The following PRKCE variants were observed in gnomAD, a reference collection of about 807,000 sequenced individuals.
PRKCE encodes the protein protein kinase C epsilon.
In PRKCE, 16 loss-of-function variants were observed where a neutral mutation model predicts 85.4. The observed-to-expected ratio is 0.19, with a 90% confidence interval of 0.13 to 0.28. The LOEUF is 0.28. Among genes scored for constraint, PRKCE ranks in the 10% least tolerant of loss-of-function variants. PRKCE has a pLI of 1.00. For synonymous variants in PRKCE, 388 were observed against 371.5 expected, an observed-to-expected ratio of 1.04 and a Z score of -0.51; for missense variants, 573 against 975.2, an observed-to-expected ratio of 0.59 and a Z score of 5.49.
chr2:45,682,903 A>G (rs1677020370), intron 1 of PRKCE, among the ~76,000 whole-genome samples: 1 of 152,128 alleles, frequency 6.6e-6, no homozygotes, highest in Non-Finnish European at 1.5e-5. Flanking sequence ...CGGTAAATTG[A>G]GGTGTTCCTG....
chr2:45,843,924 C>T (rs1691568979), intron 2 of PRKCE, among the ~76,000 whole-genome samples: 1 of 152,166 alleles, frequency 6.6e-6, no homozygotes, highest in African/African-American at 2.4e-5. Context: ...CAGTGAGAAA[C>T]AAACAGTGTT....
At chr2:46,063,736 C>T (rs1667363388) in intron 10 of PRKCE, among the ~76,000 whole-genome samples, 1 of 152,204 alleles carries the variant, frequency 6.6e-6, no homozygotes, top group African/African-American at 2.4e-5. Flanking sequence ...CCAATCGCCA[C>T]TTCCTTCTGG....
chr2:45,772,434 T>A (rs1391747684), intron 1 of PRKCE, among the ~76,000 whole-genome samples: 5 of 152,008 alleles, frequency 3.3e-5, no homozygotes, highest in African/African-American at 1.2e-4. Flanking sequence ...TCTCCAAGGG[T>A]CACAATGAGA....
intron 11 of PRKCE, among the ~76,000 whole-genome samples, chr2:46,114,316 T>C (rs1444150568): frequency 6.6e-6 from 1 of 151,982 alleles, no homozygotes; most frequent in Non-Finnish European, 1.5e-5. Context: ...TTGTGGATGA[T>C]TTTTCTGAGT....
Position 45,748,060 on chromosome 2 carries a change from A to G in PRKCE, c.349-94940A>G, listed in dbSNP as rs1683277545. 3.9e-5 allele frequency among the ~76,000 whole-genome samples: 6 copies of G among 152,154 alleles called. No homozygotes were observed. In the South Asian group the frequency reaches 1.2e-3, roughly 31 times the overall value. ...GTTATAGGGGTTCTTTGTATATTCT[A>G]GATATTAACTCCTTATCAGGTATCT... On this transcript the variant is annotated intron_variant, in intron 1 of 14. Transcript: ENST00000306156.
intron 1 of PRKCE, among the ~76,000 whole-genome samples, chr2:45,667,212 G>A (rs1277577386): frequency 6.6e-6 from 1 of 152,088 alleles, no homozygotes; most frequent in Non-Finnish European, 1.5e-5. Context: ...TTGGGAGGCT[G>A]AGGCACGAGA....
intron 1 of PRKCE, among the ~76,000 whole-genome samples, chr2:45,654,766 C>T (rs1476830848): frequency 6.6e-6 from 1 of 152,152 alleles, no homozygotes; most frequent in African/African-American, 2.4e-5. Flanking sequence ...CTGTTTTCAC[C>T]AGAGGATGCT....
chr2:45,738,145 C>T (rs1194931337), intron 1 of PRKCE, among the ~76,000 whole-genome samples: 2 of 152,156 alleles, frequency 1.3e-5, no homozygotes, highest in East Asian at 1.9e-4. Context: ...CTAGCTTCAT[C>T]CTGCAACTAT....
At chr2:45,935,782 C>CAA (rs11332351) in intron 2 of PRKCE, among the ~76,000 whole-genome samples, 36,404 of 134,342 alleles carry the variant, frequency 0.27, 5,434 homozygotes, top group South Asian at 0.38. Context: ...GAGACTGTCT[C>CAA]AAAAAAAAAA....
At chr2:45,766,884 C>T (rs1240448243) in intron 1 of PRKCE, among the ~76,000 whole-genome samples, 1 of 151,872 alleles carries the variant, frequency 6.6e-6, no homozygotes, top group Non-Finnish European at 1.5e-5. Context: ...TACTAAAATA[C>T]AAAAAAATTA....
intron 1 of PRKCE, among the ~76,000 whole-genome samples, chr2:45,722,657 G>A (rs1680716853): frequency 6.6e-6 from 1 of 152,320 alleles, no homozygotes; most frequent in South Asian, 2.1e-4. Flanking sequence ...ATCTCTCTGC[G>A]TCTGAGTGTA....
chr2:45,741,845 T>C (rs1009930694), intron 1 of PRKCE, among the ~76,000 whole-genome samples: 2 of 152,206 alleles, frequency 1.3e-5, no homozygotes, highest in African/African-American at 2.4e-5. Flanking sequence ...TCAGTGGGCA[T>C]GTGGAGAGCT....
intron 1 of PRKCE, among the ~76,000 whole-genome samples, chr2:45,832,096 G>C (rs978065441): frequency 2.0e-5 from 3 of 152,120 alleles, no homozygotes; most frequent in Non-Finnish European, 4.4e-5. Flanking sequence ...ACAATGAAAA[G>C]CAATGGCAAA....
intron 13 of PRKCE, 47 bp downstream of exon 13, chr2:46,151,276 C>G (rs1676594289): frequency 1.6e-6 from 2 of 1,284,838 alleles, no homozygotes; most frequent in African/African-American, 1.5e-5. Flanking sequence ...TGGGCTCCTC[C>G]CCCTACACAC....
chr2:45,800,312 G>A (rs143716646), intron 1 of PRKCE, among the ~76,000 whole-genome samples: 3 of 152,360 alleles, frequency 2.0e-5, no homozygotes, highest in African/African-American at 7.2e-5. Flanking sequence ...CACCTTGAGA[G>A]CATGGGGAGT....
intron 1 of PRKCE, among the ~76,000 whole-genome samples, chr2:45,665,972 A>G (rs540001946): frequency 1.3e-5 from 2 of 151,984 alleles, no homozygotes; most frequent in Non-Finnish European, 2.9e-5. Flanking sequence ...CATATTTTTG[A>G]TGAGGGACCC....
intron 1 of PRKCE, among the ~76,000 whole-genome samples, chr2:45,668,659 C>T (rs1676022314): frequency 6.6e-6 from 1 of 152,154 alleles, no homozygotes; most frequent in Non-Finnish European, 1.5e-5. Flanking sequence ...GTTCACTTTT[C>T]ACCCTCTCGG....
At chr2:45,940,055 A>G (rs1699765471) in intron 2 of PRKCE, among the ~76,000 whole-genome samples, 1 of 152,108 alleles carries the variant, frequency 6.6e-6, no homozygotes, top group Admixed American at 6.6e-5. Flanking sequence ...GATGTTTTAG[A>G]ACTTGTCTCT....
intron 1 of PRKCE, among the ~76,000 whole-genome samples, chr2:45,668,940 G>A (rs1327023689): frequency 6.6e-6 from 1 of 152,148 alleles, no homozygotes; most frequent in Non-Finnish European, 1.5e-5. Context: ...GGACTAGAAT[G>A]GGACTCAGAC....
Sources: gnomAD v4.1 joint callset for allele counts (sites outside exome capture counted in the v4.1 genomes callset) on GRCh38, gnomAD v4.1.1 for gene constraint, MANE v1.5 for transcripts, NCBI Gene and HGNC (gene_info 2026-07-23, HGNC 2026-07-21) for gene names.